PDE8B: variants seen among roughly 807,000 people sequenced by gnomAD.
The protein encoded by PDE8B is phosphodiesterase 8B.
A neutral mutation model predicts 101.3 loss-of-function variants in PDE8B; 26 were observed. The observed-to-expected ratio is 0.26, with a 90% confidence interval of 0.19 to 0.36. The LOEUF is 0.36. PDE8B is among the 10% of genes least tolerant of loss of function. The probability of loss-of-function intolerance (pLI) is 1.00; values close to 1 mark genes in which losing one functional copy is unlikely to be tolerated. For missense variants in PDE8B, 810 were observed against 1,163.1 expected (o/e 0.70, Z 4.42); for synonymous variants, 424 against 429.3 (o/e 0.99, Z 0.15).
chr5:77,309,529 T>TTG (rs1448887286), intron 1 of PDE8B, among the ~76,000 whole-genome samples: 1 of 151,066 alleles, frequency 6.6e-6, no homozygotes, highest in African/African-American at 2.4e-5. Flanking sequence ...GAGGGGGCTT[T>TTG]TGTGTGTGGT....
At chr5:77,192,995 G>C in the PDE8B span, among the ~76,000 whole-genome samples, 6 of 151,950 alleles carry the variant, frequency 3.9e-5, no homozygotes, top group African/African-American at 1.5e-4. Context: ...TGAAGTATCT[G>C]CTCTAAATAT....
chr5:77,401,916 A>G (rs1416773917), intron 11 of PDE8B, among the ~76,000 whole-genome samples: 1 of 152,216 alleles, frequency 6.6e-6, no homozygotes, highest in African/African-American at 2.4e-5. Context: ...AAGAATAAAC[A>G]TCATCCATCT....
chr5:77,191,503 C>T, the PDE8B span, among the ~76,000 whole-genome samples: 2 of 152,066 alleles, frequency 1.3e-5, no homozygotes, highest in Non-Finnish European at 2.9e-5. Context: ...CAGGTGCCCG[C>T]CACCACACCT....
rs577337466 is a variant in PDE8B, at chr5:77,389,118, GA to G, written c.1168-11121del. On this transcript the variant is annotated intron_variant, in intron 10 of 21. Transcript: ENST00000264917. ...GGTGTTCCAGGCAGCACTAGGGTAT[GA>G]AAAAAAAATCCTGCATCTAGCTTGG... 1.0e-3 allele frequency among the ~76,000 whole-genome samples: 156 copies of G among 151,276 alleles called. 1 individual carries two copies. The highest frequency in any genetic ancestry group is 0.01 in the Admixed American group (153 of 15,198).
chr5:77,290,238 C>T, intron 1 of PDE8B: 1 of 1,548,238 alleles, frequency 6.5e-7, no homozygotes, highest in Non-Finnish European at 8.8e-7. Context: ...CAGCAAGCTC[C>T]TTGGACCTTG....
At chr5:77,167,839 T>G in the PDE8B span, among the ~76,000 whole-genome samples, 1 of 152,052 alleles carries the variant, frequency 6.6e-6, no homozygotes, top group African/African-American at 2.4e-5. Context: ...TGCGGGACCG[T>G]GTGCCCAGGA....
At chr5:77,255,521 T>G (rs1281437260) in intron 1 of PDE8B, among the ~76,000 whole-genome samples, 3 of 152,234 alleles carry the variant, frequency 2.0e-5, no homozygotes, top group African/African-American at 7.2e-5. Context: ...CCTTGAAGCC[T>G]TGGCTCACAC....
chr5:77,214,993 C>T (rs1749346517), intron 1 of PDE8B, among the ~76,000 whole-genome samples: 1 of 152,110 alleles, frequency 6.6e-6, no homozygotes, highest in African/African-American at 2.4e-5. Flanking sequence ...GTGCATAGTA[C>T]CACACTGTCT....
the PDE8B span, among the ~76,000 whole-genome samples, chr5:77,096,539 A>G: frequency 1.3e-5 from 2 of 152,306 alleles, no homozygotes; most frequent in African/African-American, 4.8e-5. Flanking sequence ...GGCAAGGGGT[A>G]GGAGGAGAAA....
chr5:77,347,729 G>A (rs1780393098), intron 7 of PDE8B, among the ~76,000 whole-genome samples: 1 of 152,128 alleles, frequency 6.6e-6, no homozygotes, highest in South Asian at 2.1e-4. Flanking sequence ...ACTAGGTAGG[G>A]GAATCAGGGA....
At chr5:77,267,675 G>C (rs1762022720) in intron 1 of PDE8B, among the ~76,000 whole-genome samples, 1 of 152,146 alleles carries the variant, frequency 6.6e-6, no homozygotes, top group Admixed American at 6.5e-5. Context: ...CTCTTGGGTT[G>C]TTCCCTGCTC....
chr5:77,280,905 A>ACAAG (rs1764844335), intron 1 of PDE8B, among the ~76,000 whole-genome samples: 1 of 151,966 alleles, frequency 6.6e-6, no homozygotes, highest in Non-Finnish European at 1.5e-5. Flanking sequence ...TCAAAAACAA[A>ACAAG]CAAACAAACA....
intron 1 of PDE8B, among the ~76,000 whole-genome samples, chr5:77,297,679 G>A (rs985325094): frequency 2.0e-5 from 3 of 152,098 alleles, no homozygotes; most frequent in Non-Finnish European, 4.4e-5. Context: ...CAAAGCCCAG[G>A]CTTCTCACCA....
rs1388793090 is a variant in PDE8B, at chr5:77,421,890, C to T, written c.2320C>T (p.Arg774Cys). ...NFPENQILIK[R>C]MMIKCADVAN... is the part of the protein sequence containing the mutation. ...CCCTGAAAACCAAATCCTGATCAAA[C>T]GCATGATGATTAAGTGTGCTGACGT... Residue 774 changes from arginine to cysteine, a missense_variant, in exon 20 of 22, where the codon CGC (arginine) becomes TGC (cysteine). Arg to Cys is a radical substitution (Grantham distance 180, BLOSUM62 -3). Coordinates refer to ENST00000264917, the MANE Select transcript of PDE8B (RefSeq NM_003719.5). 8 of 1,613,944 alleles carry T rather than the reference C, an allele frequency of 5.0e-6. No homozygotes were observed. Among genetic ancestry groups the T allele is most frequent in the East Asian group, 2.2e-5 (1 of 44,882 alleles).
At chr5:77,147,040 A>G in the PDE8B span, 1 of 455,346 alleles carries the variant, frequency 2.2e-6, no homozygotes, top group South Asian at 1.7e-5. Context: ...AAATATGAAA[A>G]GGATATTGCC....
In PDE8B at chr5:77,327,876, C is replaced by G. The variant is rs78947288; in HGVS notation, c.591-1122C>G. Among the ~76,000 whole-genome samples, 12 of 152,278 alleles carry G rather than the reference C, an allele frequency of 7.9e-5. No homozygotes were observed. The East Asian group carries it at 1.2e-3, about 15-fold the overall frequency. On this transcript the variant is annotated intron_variant, in intron 3 of 21. Coordinates refer to ENST00000264917, the MANE Select transcript of PDE8B (RefSeq NM_003719.5). ...CGATCATTTCCGGGAGCCTTCCCCC[C>G]ACACAGTGTGAGGGCTCAAGGAACA...
In PDE8B at chr5:77,331,395, G is replaced by C. The variant is rs991784154; in HGVS notation, c.651-7G>C. The stretch of plus-strand genomic sequence containing the variant: ...GCTGAGTGACCACATTTTCTGCTTT[G>C]CTGCAGATCGGATGACCATGAAGAG... On this transcript the variant is annotated splice_region_variant and splice_polypyrimidine_tract_variant and intron_variant, in intron 4 of 21. Transcript: ENST00000264917. The C allele has an allele frequency of 6.2e-7, 1 of 1,613,176 alleles. No individual in the cohort carries two copies. Among genetic ancestry groups the C allele is most frequent in the Non-Finnish European group, 8.5e-7 (1 of 1,179,194 alleles).
At chr5:77,397,296 C>G (rs867438651) in intron 10 of PDE8B, among the ~76,000 whole-genome samples, 1 of 152,046 alleles carries the variant, frequency 6.6e-6, no homozygotes, top group Non-Finnish European at 1.5e-5. Flanking sequence ...TCCCAAAGTG[C>G]TGGGATTACA....
chr5:77,320,414 G>T (rs1774783535), intron 2 of PDE8B, among the ~76,000 whole-genome samples: 1 of 152,196 alleles, frequency 6.6e-6, no homozygotes, highest in South Asian at 2.1e-4. Flanking sequence ...GATCAGTTCT[G>T]CATCTTCTCC....
Sources: gnomAD v4.1 joint callset for allele counts (sites outside exome capture counted in the v4.1 genomes callset) on GRCh38, gnomAD v4.1.1 for gene constraint, MANE v1.5 for transcripts, NCBI Gene and HGNC (gene_info 2026-07-23, HGNC 2026-07-21) for gene names.